MED15: variants seen among roughly 807,000 people sequenced by gnomAD.
The protein encoded by MED15 is mediator of RNA polymerase II transcription subunit 15.
In MED15, 41 loss-of-function variants were observed where a neutral mutation model predicts 118.7. The ratio of observed to expected loss-of-function variants is 0.35; its 90% confidence interval spans 0.27 to 0.45. The LOEUF (loss-of-function observed/expected upper bound fraction) is 0.45. Ranked by LOEUF, MED15 falls within the 20% of genes least tolerant of loss-of-function variation. MED15 has a pLI of 1.00. For synonymous variants in MED15, 436 were observed against 413.9 expected (o/e 1.05, Z -0.65); for missense variants, 740 against 1,025.5 (o/e 0.72, Z 3.80).
intron 1 of MED15, among the ~76,000 whole-genome samples, chr22:20,533,599 C>T (rs560971935): frequency 1.3e-5 from 2 of 152,272 alleles, no homozygotes; most frequent in Admixed American, 1.3e-4. Context: ...GAGCACCTTG[C>T]TCCTTGGCCC....
intron 2 of MED15, among the ~76,000 whole-genome samples, chr22:20,548,714 TTCTA>T (rs2146503757): frequency 6.6e-6 from 1 of 152,352 alleles, no homozygotes; most frequent in Non-Finnish European, 1.5e-5. Flanking sequence ...GAGCACGTGT[TTCTA>T]TCCTTTCTCC....
chr22:20,537,096 T>A, intron 1 of MED15, 21 bp from the exon 2 acceptor site: 1 of 1,611,178 alleles, frequency 6.2e-7, no homozygotes, highest in Non-Finnish European at 8.5e-7. Context: ...TGCAAACGTC[T>A]CTTCTCCTTT....
At position 20,585,126 on chromosome 22, in the gene MED15, C is replaced by T. The variant is rs1226282586; in HGVS notation, c.1990C>T (p.Arg664Cys). Residue 664 changes from arginine (R) to cysteine (C), a missense_variant, in exon 16 of 18, where the codon CGC (arginine) becomes TGC (cysteine). Coordinates refer to ENST00000263205, the MANE Select transcript of MED15 (RefSeq NM_001003891.3). ...GGCCCCAGTGGTGTGCACCCGGAAG[C>T]GCAGGCTTGAGGATGATGAGCGGCA... is the stretch of plus-strand genomic sequence containing the variant. ...ITAPVVCTRKRRLEDDERQSI... is the reference protein window; with the variant it reads ...ITAPVVCTRKCRLEDDERQSI... 7 of 1,613,678 alleles carry T rather than the reference C, an allele frequency of 4.3e-6. No individual in the cohort carries two copies. Among genetic ancestry groups the T allele is most frequent in the East Asian group, 2.2e-5 (1 of 44,886 alleles).
intron 9 of MED15, among the ~76,000 whole-genome samples, chr22:20,580,930 G>C (rs1383561331): frequency 6.6e-6 from 1 of 152,232 alleles, no homozygotes; most frequent in East Asian, 1.9e-4. Flanking sequence ...GAGTGATGAG[G>C]CCCGGCAGGC....
At chr22:20,565,031 A>G (rs1170903065) in intron 6 of MED15, among the ~76,000 whole-genome samples, 1 of 152,260 alleles carries the variant, frequency 6.6e-6, no homozygotes, top group Non-Finnish European at 1.5e-5. Context: ...AGGCTGAGGC[A>G]GGAGAATCGC....
intron 3 of MED15, among the ~76,000 whole-genome samples, chr22:20,552,061 TC>T (rs1405989926): frequency 2.0e-5 from 3 of 152,180 alleles, no homozygotes; most frequent in African/African-American, 7.2e-5. Context: ...TGTCATTGCA[TC>T]CTAGGGCCAG....
chr22:20,575,254 G>T, intron 9 of MED15, 22 bp downstream of exon 9: 1 of 1,610,538 alleles, frequency 6.2e-7, no homozygotes. Flanking sequence ...GCAGCGCCCA[G>T]GGCACGGCTG....
chr22:20,584,873 C>T lies in MED15; in HGVS notation c.1822C>T (p.Pro608Ser). 1 of 1,613,010 alleles carries T rather than the reference C, an allele frequency of 6.2e-7. No individual in the cohort carries two copies. The highest frequency in any genetic ancestry group is 8.5e-7 in the Non-Finnish European group (1 of 1,179,980). ...DMAVPTPPPP[P>S]VPPTKQQYLC... ...TCTCCAGCCCACTCCCCCACCGCCC[C>T]CGGTGCCACCGACCAAACAGCAGTA... is the stretch of plus-strand genomic sequence containing the variant. The change falls in exon 15 of 18, where the codon CCG becomes TCG. Residue 608 changes from proline to serine, a missense_variant. Physicochemically the swap from Pro to Ser is moderately conservative, Grantham distance 74. This residue lies in a region of MED15 where 179 missense variants were observed against 259.0 expected (regional missense o/e 0.69). Transcript: ENST00000263205.
Position 20,551,373 on chromosome 22 carries a change from G to C in MED15, c.157-63G>C, listed in dbSNP as rs910318511. 6.1e-6 allele frequency: 9 copies of C among 1,465,574 alleles called. No individual in the cohort carries two copies. The African/African-American group carries it at 9.7e-5, about 16-fold the overall frequency. The allele number at this position is 1,465,574 out of a possible 1,614,324, so 90.8% of individuals were successfully genotyped here. A position where few individuals can be genotyped will look rare whatever the true frequency, so the allele number is the denominator to read the frequency against. On this transcript the variant is annotated intron_variant, in intron 2 of 17. Coordinates refer to ENST00000263205, the MANE Select transcript of MED15 (RefSeq NM_001003891.3). ...GTGCCAGCAGGCGAGGGGGCGGGAA[G>C]GGGGAGTCCGATGACTGCGCTTCTT... is the stretch of plus-strand genomic sequence containing the variant.
chr22:20,522,300 C>T (rs1236266913), intron 1 of MED15: 1 of 152,190 alleles, frequency 6.6e-6, no homozygotes, highest in Non-Finnish European at 1.5e-5. Context: ...TACGTTCCCA[C>T]CAGCAAAATG....
chr22:20,540,010 G>A (rs1037438545), intron 2 of MED15, among the ~76,000 whole-genome samples: 1 of 152,056 alleles, frequency 6.6e-6, no homozygotes, highest in Non-Finnish European at 1.5e-5. Flanking sequence ...ATATAGGGGG[G>A]ATTTTATTTA....
intron 2 of MED15, among the ~76,000 whole-genome samples, chr22:20,550,594 G>A (rs1390745718): frequency 6.6e-6 from 1 of 152,250 alleles, no homozygotes; most frequent in African/African-American, 2.4e-5. Flanking sequence ...CGGAGCCGGG[G>A]CTTTGCCCCT....
chr22:20,553,968 A>C (rs1452220059), intron 4 of MED15, among the ~76,000 whole-genome samples: 1 of 152,234 alleles, frequency 6.6e-6, no homozygotes, highest in Non-Finnish European at 1.5e-5. Flanking sequence ...ACTAAGCTGC[A>C]AGGGAAGGGG....
At position 20,585,910 on chromosome 22, in the gene MED15, C is replaced by T. The variant is rs1601656094; in HGVS notation, c.2230+84C>T. On this transcript the variant is annotated intron_variant, in intron 17 of 17. Transcript: ENST00000263205. The stretch of plus-strand genomic sequence containing the variant: ...AACCAGGCTTCCACTGCAGCAGGGA[C>T]AGCCTCTGTGTGCTCCTGCCCCTCC... The T allele has an allele frequency of 3.7e-6, 5 of 1,336,242 alleles. No homozygotes were observed. In the East Asian group the frequency reaches 9.8e-5, roughly 26 times the overall value. The allele number at this position is 1,336,242 out of a possible 1,614,324, so 82.8% of individuals were successfully genotyped here. A position where few individuals can be genotyped will look rare whatever the true frequency, so the allele number is the denominator to read the frequency against.
intron 2 of MED15, among the ~76,000 whole-genome samples, chr22:20,549,036 A>G (rs997046531): frequency 1.3e-5 from 2 of 152,184 alleles, no homozygotes; most frequent in Non-Finnish European, 2.9e-5. Context: ...CCTGGCCTCA[A>G]GGGACCCTCC....
In MED15 at chr22:20,564,652, G is replaced by T. The variant is rs566431571; in HGVS notation, c.654G>T (p.Gln218His). 6.8e-6 allele frequency: 11 copies of T among 1,613,920 alleles called. No individual in the cohort carries two copies. Among genetic ancestry groups the T allele is most frequent in the South Asian group, 5.5e-5 (5 of 91,052 alleles). ...QQLQQQQQQQ[Q>H]HLIKLHHQNQ... ...TCCAGCAGCAGCAGCAGCAGCAGCA[G>T]CATCTAATTAAATTGCATCATCAAA... is the stretch of plus-strand genomic sequence containing the variant. The change falls in exon 6 of 18, where the codon CAG becomes CAT. Residue 218 changes from glutamine to histidine, a missense_variant. Transcript: ENST00000263205.
chr22:20,572,211 A>G (rs962723641), intron 8 of MED15, among the ~76,000 whole-genome samples: 2 of 152,360 alleles, frequency 1.3e-5, no homozygotes, highest in African/African-American at 4.8e-5. Context: ...CCCTCTAACC[A>G]GGAGGTCAGA....
intron 16 of MED15, 163 bp from the exon 17 acceptor site, chr22:20,585,565 G>T (rs867079875): frequency 2.7e-6 from 2 of 733,938 alleles, no homozygotes; most frequent in Middle Eastern, 6.8e-4. Context: ...GAGCACTCCA[G>T]GCTTCACGTT....
Position 20,541,234 on chromosome 22 carries a change from G to A in MED15, c.156+4030G>A, listed in dbSNP as rs568211161. ...AGACTGGGTGACAGAGTGAGACTCC[G>A]TCTCAAAAAATAAATACATAAATAA... On this transcript the variant is annotated intron_variant, in intron 2 of 17. Transcript: ENST00000263205. 1.9e-3 allele frequency among the ~76,000 whole-genome samples: 284 copies of A among 151,910 alleles called. 1 individual carries two copies. The highest frequency in any genetic ancestry group is 6.8e-3 in the Middle Eastern group (2 of 294).
Sources: allele counts gnomAD v4.1 joint callset (sites outside exome capture counted in the v4.1 genomes callset), GRCh38; gene constraint gnomAD v4.1.1; regional missense constraint gnomAD v4.1.1; transcripts MANE v1.5; gene names NCBI Gene and HGNC (gene_info 2026-07-23, HGNC 2026-07-21).